STAM2: variants seen among roughly 807,000 people sequenced by gnomAD.
The protein encoded by STAM2 is signal transducing adapter molecule 2.
Under a neutral mutation model 65.6 loss-of-function variants are expected in STAM2, and 51 were observed. The ratio of observed to expected loss-of-function variants is 0.78; its 90% CI spans 0.62 to 0.98. STAM2 has a LOEUF of 0.98. STAM2 is among the 50% of genes least tolerant of loss of function. The pLI is 0.00. For synonymous variants in STAM2, 198 were observed against 208.4 expected (o/e 0.95, Z 0.43); for missense variants, 584 against 617.8 (o/e 0.95, Z 0.58).
At chr2:152,167,927 A>T (rs1236599327) in intron 1 of STAM2, among the ~76,000 whole-genome samples, 2 of 151,968 alleles carry the variant, frequency 1.3e-5, no homozygotes, top group Non-Finnish European at 2.9e-5. Flanking sequence ...AAGAAAAAAT[A>T]AAATAAAATA....
At chr2:152,150,261 G>C (rs1474486480) in intron 1 of STAM2, 32 bp from the exon 2 acceptor site, 2 of 1,376,408 alleles carry the variant, frequency 1.5e-6, no homozygotes, top group South Asian at 1.2e-5. Context: ...ACAACAATGA[G>C]GACACATCTC....
At chr2:152,173,925 T>C (rs1337274919) in intron 1 of STAM2, among the ~76,000 whole-genome samples, 1 of 152,178 alleles carries the variant, frequency 6.6e-6, no homozygotes, top group Non-Finnish European at 1.5e-5. Context: ...TAAGCTAATA[T>C]GTAACTACTT....
At chr2:152,130,280 C>G (rs979332868) in intron 11 of STAM2, among the ~76,000 whole-genome samples, 1 of 152,004 alleles carries the variant, frequency 6.6e-6, no homozygotes, top group African/African-American at 2.4e-5. Context: ...GAGACCGTGT[C>G]TTGCTCTTTT....
At chr2:152,149,145 CT>C (rs1456489058) in intron 2 of STAM2, among the ~76,000 whole-genome samples, 1 of 151,978 alleles carries the variant, frequency 6.6e-6, no homozygotes, top group East Asian at 1.9e-4. Context: ...TATTTGAAGA[CT>C]TTTTTGTTAT....
At chr2:152,121,814 G>A (rs1688857719) in intron 13 of STAM2, among the ~76,000 whole-genome samples, 1 of 152,046 alleles carries the variant, frequency 6.6e-6, no homozygotes, top group African/African-American at 2.4e-5. Context: ...GGAGGCCGAG[G>A]AGGGCGGATC....
chr2:152,156,274 T>C (rs1689544310), intron 1 of STAM2, among the ~76,000 whole-genome samples: 1 of 152,230 alleles, frequency 6.6e-6, no homozygotes, highest in Non-Finnish European at 1.5e-5. Context: ...ACAATTACTC[T>C]TTTTAAAAAT....
At chr2:152,155,812 T>C (rs1261654201) in intron 1 of STAM2, among the ~76,000 whole-genome samples, 1 of 152,234 alleles carries the variant, frequency 6.6e-6, no homozygotes, top group Admixed American at 6.5e-5. Flanking sequence ...ATGTAAATCT[T>C]TAATGTATTT....
rs1688789410 is a variant in STAM2, at chr2:152,118,421, C to T, written c.*2153G>A. ...AACTTCTGCACATATAAACTTTCAC[C>T]GATGTGCCAATATATACTATATATT... On this transcript the variant is annotated 3_prime_UTR_variant, in exon 14 of 14. Coordinates refer to ENST00000263904, the MANE Select transcript of STAM2 (RefSeq NM_005843.6). The T allele has an allele frequency of 6.8e-6, 1 of 146,790 alleles. No individual in the cohort carries two copies. Among genetic ancestry groups the T allele is most frequent in the South Asian group, 2.1e-4 (1 of 4,722 alleles). The allele number at this position is 146,790 out of a possible 1,614,324, so 9.1% of individuals were successfully genotyped here.
intron 6 of STAM2, 90 bp from the exon 7 acceptor site, chr2:152,144,103 T>C: frequency 9.2e-7 from 1 of 1,086,010 alleles, no homozygotes; most frequent in Non-Finnish European, 1.3e-6. Flanking sequence ...TAAGAATAAA[T>C]CAAGCATTTT....
At chr2:152,135,106 C>T (rs1010478877) in intron 8 of STAM2, among the ~76,000 whole-genome samples, 7 of 152,180 alleles carry the variant, frequency 4.6e-5, no homozygotes, top group Non-Finnish European at 8.8e-5. Context: ...TAATCATATT[C>T]GGCACTTGCC....
At chr2:152,124,120 GA>G (rs1394434145) in intron 12 of STAM2, 185 bp from the exon 13 acceptor site, 2 of 552,638 alleles carry the variant, frequency 3.6e-6, no homozygotes, top group Non-Finnish European at 6.3e-6. Context: ...CAAATCTATG[GA>G]AATTTGATTT....
chr2:152,120,432 A>G lies in STAM2; in HGVS notation c.*142T>C. The G allele has an allele frequency of 2.0e-6, 1 of 505,674 alleles. No individual in the cohort carries two copies. Among genetic ancestry groups the G allele is most frequent in the Non-Finnish European group, 3.6e-6 (1 of 281,496 alleles). 31.3% of individuals were successfully genotyped at this position (505,674 alleles called of 1,614,324 possible). On this transcript the variant is annotated 3_prime_UTR_variant, in exon 14 of 14. Transcript: ENST00000263904. ...AAAAAAAAACCTTTTATGGCCTTGT[A>G]GAATAAGAGAGGTTTTTGTGCTTTA...
chr2:152,135,348 A>G (rs938731483), intron 8 of STAM2, among the ~76,000 whole-genome samples, 161 bp downstream of exon 8: 1 of 152,218 alleles, frequency 6.6e-6, no homozygotes, highest in Non-Finnish European at 1.5e-5. Flanking sequence ...GGCTAAATTA[A>G]CCCCTTAATT....
Position 152,120,483 on chromosome 2 carries a change from G to C in STAM2, c.*91C>G, listed in dbSNP as rs984300713. ...TTTATTCATGGTCCTTTTGAGTTGA[G>C]AGGGAAAAAAGTTTTAATATTTTCA... On this transcript the variant is annotated 3_prime_UTR_variant, in exon 14 of 14. Transcript: ENST00000263904. The C allele has an allele frequency of 7.3e-6, 8 of 1,091,008 alleles. No homozygotes were observed. In the African/African-American group the frequency reaches 1.3e-4, roughly 17 times the overall value. The allele number at this position is 1,091,008 out of a possible 1,614,324, so 67.6% of individuals were successfully genotyped here.
chr2:152,163,898 T>TG (rs1689730400), intron 1 of STAM2, among the ~76,000 whole-genome samples: 1 of 152,190 alleles, frequency 6.6e-6, no homozygotes, highest in South Asian at 2.1e-4. Flanking sequence ...GGTTCTCTGC[T>TG]CTTGAACTCT....
chr2:152,120,293 G>GT lies in STAM2; in HGVS notation c.*280dup, dbSNP rs1688826293. ...TGTTTGTCATAAGGCTACTTAATGA[G>GT]TATCTAGATTTATGTAGAGAAATCT... is the stretch of plus-strand genomic sequence containing the variant. On this transcript the variant is annotated 3_prime_UTR_variant, in exon 14 of 14. Coordinates refer to ENST00000263904, the MANE Select transcript of STAM2 (RefSeq NM_005843.6). The GT allele has an allele frequency of 4.6e-5, 19 of 414,600 alleles. No individual in the cohort carries two copies. The South Asian group carries it at 5.4e-4, about 12-fold the overall frequency. The allele number at this position is 414,600 out of a possible 1,614,324, so 25.7% of individuals were successfully genotyped here.
In STAM2 at chr2:152,153,683, C is replaced by T. The variant is rs1346752364; in HGVS notation, c.41-3454G>A. On this transcript the variant is annotated intron_variant, in intron 1 of 13. Transcript: ENST00000263904. ...CCTACTCAGGTTTTCACCTTCTTCC[C>T]TTGTGCCAAAAAGACTATTGCTTTG... 2.0e-5 allele frequency among the ~76,000 whole-genome samples: 3 copies of T among 152,144 alleles called. No homozygotes were observed. The East Asian group carries it at 5.8e-4, about 29-fold the overall frequency.
intron 12 of STAM2, 38 bp from the exon 13 acceptor site, chr2:152,123,973 C>A: frequency 6.6e-7 from 1 of 1,524,464 alleles, no homozygotes; most frequent in Non-Finnish European, 9.1e-7. Flanking sequence ...CACTCATCTC[C>A]CAAACATGTG....
At chr2:152,122,074 ATATGTGTGTG>A (rs1408274871) in intron 13 of STAM2, among the ~76,000 whole-genome samples, 6 of 135,558 alleles carry the variant, frequency 4.4e-5, no homozygotes, top group Admixed American at 7.4e-5. Flanking sequence ...ATATATATAT[ATATGTGTGTG>A]TGTGTGTGTG....
Sources: allele counts gnomAD v4.1 joint callset (sites outside exome capture counted in the v4.1 genomes callset), GRCh38; gene constraint gnomAD v4.1.1; transcripts MANE v1.5; gene names NCBI Gene and HGNC (gene_info 2026-07-23, HGNC 2026-07-21).